ANKRD33B: variants seen among roughly 807,000 people sequenced by gnomAD.
ANKRD33B encodes the protein ankyrin repeat domain-containing protein 33B.
Under a neutral mutation model 21.5 loss-of-function variants are expected in ANKRD33B, and 6 were observed. The ratio of observed to expected loss-of-function variants is 0.28; its 90% CI spans 0.15 to 0.55. The LOEUF (loss-of-function observed/expected upper bound fraction) is 0.55, where lower values mean the gene tolerates loss of function less well. Among genes scored for constraint, ANKRD33B ranks in the 20% least tolerant of loss-of-function variants. The pLI is 0.94. For synonymous variants in ANKRD33B, 347 were observed against 342.4 expected, an observed-to-expected ratio of 1.01 and a Z score of -0.15; for missense variants, 698 against 747.2, an observed-to-expected ratio of 0.93 and a Z score of 0.77.
chr5:10,570,507 G>C (rs1225658408), intron 1 of ANKRD33B, among the ~76,000 whole-genome samples: 1 of 151,268 alleles, frequency 6.6e-6, no homozygotes, highest in Admixed American at 6.6e-5. Flanking sequence ...TGATGCTTCA[G>C]CTTGGCTGAA....
intron 1 of ANKRD33B, among the ~76,000 whole-genome samples, chr5:10,589,879 A>G (rs1354153565): frequency 6.6e-6 from 1 of 151,900 alleles, no homozygotes; most frequent in Non-Finnish European, 1.5e-5. Context: ...CTGTGACACC[A>G]AATTCACACA....
At chr5:10,572,125 G>A (rs541009396) in intron 1 of ANKRD33B, among the ~76,000 whole-genome samples, 1 of 152,248 alleles carries the variant, frequency 6.6e-6, no homozygotes, top group Admixed American at 6.5e-5. Context: ...CTGACCTCAG[G>A]TGATCTGCCC....
At chr5:10,598,923 T>C (rs1735874168) in intron 1 of ANKRD33B, among the ~76,000 whole-genome samples, 1 of 152,214 alleles carries the variant, frequency 6.6e-6, no homozygotes, top group Non-Finnish European at 1.5e-5. Flanking sequence ...TGAGGTATAA[T>C]TGACATATGA....
intron 1 of ANKRD33B, among the ~76,000 whole-genome samples, chr5:10,579,892 C>T (rs530000687): frequency 1.1e-4 from 16 of 152,166 alleles, no homozygotes; most frequent in Non-Finnish European, 1.9e-4. Context: ...TTATCATGTT[C>T]ACAGATTTGT....
Position 10,634,504 on chromosome 5 carries a change from G to C in ANKRD33B, c.497-3524G>C, listed in dbSNP as rs569253276. ...AGACAGGGTCTCACTCTGTCGTCCA[G>C]GCTGGAGTTCAGTGGTGTGATCTTA... On this transcript the variant is annotated intron_variant, in intron 2 of 3. Transcript: ENST00000296657. 8.1e-4 allele frequency among the ~76,000 whole-genome samples: 118 copies of C among 145,290 alleles called. 2 individuals carry two copies. The highest frequency in any genetic ancestry group is 7.9e-4 in the Non-Finnish European group (53 of 66,894).
At chr5:10,642,249 G>A (rs960815172) in intron 3 of ANKRD33B, among the ~76,000 whole-genome samples, 1 of 152,140 alleles carries the variant, frequency 6.6e-6, no homozygotes, top group Non-Finnish European at 1.5e-5. Context: ...CACATCTCTT[G>A]GAACGATGAG....
intron 1 of ANKRD33B, among the ~76,000 whole-genome samples, chr5:10,593,031 C>T (rs1425364998): frequency 1.3e-5 from 2 of 152,166 alleles, no homozygotes; most frequent in African/African-American, 2.4e-5. Flanking sequence ...ACCTTCCTAA[C>T]CTTTTCCCAC....
At position 10,564,435 on chromosome 5, in the gene ANKRD33B, C is replaced by A; in HGVS notation, c.-33C>A. ...CCGCGTCCCGCTCTTCCTGCCCGCGCCCCGGCCCCCGGCCCGCGCCCCGGC... is the reference window on the plus strand; with the variant it reads ...CCGCGTCCCGCTCTTCCTGCCCGCGACCCGGCCCCCGGCCCGCGCCCCGGC... On this transcript the variant is annotated 5_prime_UTR_variant, in exon 1 of 4. Transcript: ENST00000296657. The A allele has an allele frequency of 9.5e-7, 1 of 1,055,414 alleles. No individual in the cohort carries two copies. Among genetic ancestry groups the A allele is most frequent in the Non-Finnish European group, 1.1e-6 (1 of 876,826 alleles). 65.4% of individuals were successfully genotyped at this position (1,055,414 alleles called of 1,614,324 possible).
At chr5:10,624,661 G>A (rs936945680) in intron 2 of ANKRD33B, 1 of 441,390 alleles carries the variant, frequency 2.3e-6, no homozygotes, top group East Asian at 7.0e-5. Context: ...AAGCTTCCTT[G>A]TGTGTGTCTT....
At chr5:10,584,974 TG>T (rs927662117) in intron 1 of ANKRD33B, among the ~76,000 whole-genome samples, 3 of 152,200 alleles carry the variant, frequency 2.0e-5, no homozygotes, top group Admixed American at 6.5e-5. Flanking sequence ...CCTTCCAGGC[TG>T]GTGGAGCAGG....
At chr5:10,636,219 C>T (rs944782985) in intron 2 of ANKRD33B, among the ~76,000 whole-genome samples, 2 of 152,128 alleles carry the variant, frequency 1.3e-5, no homozygotes, top group East Asian at 1.9e-4. Context: ...GAAATGTCCA[C>T]GAGGCCCCTG....
intron 3 of ANKRD33B, among the ~76,000 whole-genome samples, chr5:10,643,038 A>G (rs6872968): frequency 0.42 from 63,780 of 151,844 alleles, 13,671 homozygotes; most frequent in Middle Eastern, 0.56. Context: ...CTGAGTAGCT[A>G]GGACTACAGG....
chr5:10,649,278 A>C lies in ANKRD33B; in HGVS notation c.650A>C (p.His217Pro). The change falls in exon 4 of 4, where the codon CAC (histidine) becomes CCC (proline). Residue 217 changes from histidine (H) to proline (P), a missense_variant. Transcript: ENST00000296657. ...TTGCGTTTTGCAGGGGCGGATGTCC[A>C]CGCGAGGGACCCCCGCCGTGGGATG... is the stretch of plus-strand genomic sequence containing the variant. ...RALMLAGADV[H>P]ARDPRRGMSP... is the part of the protein sequence containing the mutation. 1 of 1,523,682 alleles carries C rather than the reference A, an allele frequency of 6.6e-7. No homozygotes were observed. Among genetic ancestry groups the C allele is most frequent in the Non-Finnish European group, 8.8e-7 (1 of 1,138,492 alleles). 94.4% of individuals were successfully genotyped at this position (1,523,682 alleles called of 1,614,324 possible).
rs1175364256 is a variant in ANKRD33B, at chr5:10,656,385, G to A, written c.*6272G>A. ...CTTGGCAGCAGGCAGTGCCAATGTG[G>A]ACAGTGTACACTAAGCTGTGAGTGT... On this transcript the variant is annotated 3_prime_UTR_variant, in exon 4 of 4. Transcript: ENST00000296657. 6.6e-6 allele frequency: 1 copy of A among 152,396 alleles called. No individual in the cohort carries two copies. The highest frequency in any genetic ancestry group is 1.5e-5 in the Non-Finnish European group (1 of 68,070). The allele number at this position is 152,396 out of a possible 1,614,324, so 9.4% of individuals were successfully genotyped here.
At chr5:10,603,267 A>AT (rs1735970867) in intron 1 of ANKRD33B, among the ~76,000 whole-genome samples, 1 of 151,354 alleles carries the variant, frequency 6.6e-6, no homozygotes, top group African/African-American at 2.4e-5. Flanking sequence ...CCTTAAAAAA[A>AT]ATTTTTTTTT....
chr5:10,632,694 C>T (rs1048197911), intron 2 of ANKRD33B, among the ~76,000 whole-genome samples: 6 of 152,256 alleles, frequency 3.9e-5, no homozygotes, highest in Non-Finnish European at 7.3e-5. Flanking sequence ...AGAGGCCCCA[C>T]ACCAGGCCGC....
chr5:10,569,504 G>A (rs1388005646), intron 1 of ANKRD33B, among the ~76,000 whole-genome samples: 1 of 152,174 alleles, frequency 6.6e-6, no homozygotes, highest in African/African-American at 2.4e-5. Context: ...GCTGAGGCAG[G>A]AGACTCGCTT....
At chr5:10,581,713 A>G (rs955322729) in intron 1 of ANKRD33B, among the ~76,000 whole-genome samples, 2 of 152,238 alleles carry the variant, frequency 1.3e-5, no homozygotes, top group South Asian at 4.1e-4. Context: ...AGTCAAGGAG[A>G]TTACCCTCTA....
At chr5:10,569,483 C>T (rs1001819308) in intron 1 of ANKRD33B, among the ~76,000 whole-genome samples, 6 of 152,116 alleles carry the variant, frequency 3.9e-5, no homozygotes, top group South Asian at 2.1e-4. Flanking sequence ...GTAGTCCCAG[C>T]TACTGGGGAG....
Sources: allele counts gnomAD v4.1 joint callset (sites outside exome capture counted in the v4.1 genomes callset), GRCh38; gene constraint gnomAD v4.1.1; transcripts MANE v1.5; gene names NCBI Gene and HGNC (gene_info 2026-07-23, HGNC 2026-07-21).